Variants in PRR16 observed in about 807,000 individuals in gnomAD.
PRR16 encodes the protein proline rich 16.
A neutral mutation model predicts 18.2 loss-of-function variants in PRR16; 6 were observed. The ratio of observed to expected loss-of-function variants is 0.33; its 90% confidence interval spans 0.18 to 0.65. PRR16 has a LOEUF of 0.65. Among genes scored for constraint, PRR16 ranks in the 30% least tolerant of loss-of-function variants. The pLI is 0.74. For missense variants in PRR16, 412 were observed against 376.6 expected, an observed-to-expected ratio of 1.09 and a Z score of -0.78; for synonymous variants, 151 against 147.8, an observed-to-expected ratio of 1.02 and a Z score of -0.16.
chr5:120,536,862 A>C (rs1214928420), intron 1 of PRR16, among the ~76,000 whole-genome samples: 1 of 152,270 alleles, frequency 6.6e-6, no homozygotes, highest in Non-Finnish European at 1.5e-5. Flanking sequence ...CTATGCAACC[A>C]TAAAAAAGAA....
At chr5:120,558,975 AT>A (rs1752496640) in intron 1 of PRR16, among the ~76,000 whole-genome samples, 1 of 151,838 alleles carries the variant, frequency 6.6e-6, no homozygotes, top group Admixed American at 6.6e-5. Flanking sequence ...TATTTTGCCC[AT>A]TTTAATTGGA....
At chr5:120,473,406 G>T (rs1027859071) in intron 1 of PRR16, among the ~76,000 whole-genome samples, 1 of 152,106 alleles carries the variant, frequency 6.6e-6, no homozygotes, top group African/African-American at 2.4e-5. Flanking sequence ...AAGCCAGTCT[G>T]CTTTTTTTCA....
the PRR16 span, among the ~76,000 whole-genome samples, chr5:120,723,283 G>A: frequency 6.6e-6 from 1 of 151,722 alleles, no homozygotes; most frequent in Admixed American, 6.6e-5. Context: ...GTATGTATTT[G>A]GTACTCAATT....
chr5:120,760,770 T>A, the PRR16 span, among the ~76,000 whole-genome samples: 18 of 152,216 alleles, frequency 1.2e-4, no homozygotes, highest in South Asian at 3.7e-3. Flanking sequence ...GTGGATAAAT[T>A]CCCCAGCTTG....
intron 1 of PRR16, among the ~76,000 whole-genome samples, chr5:120,552,003 C>G (rs1752269073): frequency 6.6e-6 from 1 of 151,856 alleles, no homozygotes. Context: ...GCTGAAGGAG[C>G]CATAAATAGA....
chr5:120,567,345 G>A (rs574697774), intron 1 of PRR16, among the ~76,000 whole-genome samples: 2 of 152,226 alleles, frequency 1.3e-5, no homozygotes, highest in Admixed American at 6.5e-5. Context: ...GAGACTGGAC[G>A]TTGGCTTGGC....
chr5:120,538,479 T>G (rs2112678486), intron 1 of PRR16, among the ~76,000 whole-genome samples: 1 of 152,280 alleles, frequency 6.6e-6, no homozygotes, highest in African/African-American at 2.4e-5. Flanking sequence ...GTAATTCAAT[T>G]TATTGGATAC....
chr5:120,728,127 T>C, the PRR16 span, among the ~76,000 whole-genome samples: 8 of 151,954 alleles, frequency 5.3e-5, no homozygotes, highest in Non-Finnish European at 8.8e-5. Context: ...AAATACAGCT[T>C]GTAAGTATCT....
At chr5:120,786,534 T>A in the PRR16 span, among the ~76,000 whole-genome samples, 2 of 78,104 alleles carry the variant, frequency 2.6e-5, no homozygotes, top group Admixed American at 2.6e-4. Flanking sequence ...ATATTATATA[T>A]ATTATTTTAA....
At chr5:120,778,994 G>A in the PRR16 span, among the ~76,000 whole-genome samples, 1 of 152,102 alleles carries the variant, frequency 6.6e-6, no homozygotes, top group Non-Finnish European at 1.5e-5. Flanking sequence ...AGAAATGTTA[G>A]CATTTTGATT....
the PRR16 span, among the ~76,000 whole-genome samples, chr5:120,776,739 T>A: frequency 2.6e-5 from 4 of 152,140 alleles, no homozygotes; most frequent in Admixed American, 2.6e-4. Flanking sequence ...TTCATTGCAA[T>A]CTTTGTTAAA....
chr5:120,591,481 A>T (rs2112774917), intron 1 of PRR16, among the ~76,000 whole-genome samples: 1 of 152,036 alleles, frequency 6.6e-6, no homozygotes, highest in South Asian at 2.1e-4. Context: ...TTTATGAAAG[A>T]TGTACAGTGT....
intron 1 of PRR16, among the ~76,000 whole-genome samples, chr5:120,509,148 A>G (rs1172091391): frequency 6.6e-6 from 1 of 152,070 alleles, no homozygotes; most frequent in Non-Finnish European, 1.5e-5. Flanking sequence ...TAGCACAGTA[A>G]ATCTTTGTCT....
chr5:120,681,766 T>C (rs1011223742), intron 1 of PRR16, among the ~76,000 whole-genome samples: 1 of 152,224 alleles, frequency 6.6e-6, no homozygotes, highest in African/African-American at 2.4e-5. Context: ...TATGAACCTA[T>C]TCCTAAATTT....
intron 1 of PRR16, among the ~76,000 whole-genome samples, chr5:120,676,526 G>A (rs1461687419): frequency 0.03 from 1,754 of 57,630 alleles, 13 homozygotes; most frequent in Middle Eastern, 0.058. Flanking sequence ...ATATATATGT[G>A]TGTGTGTGTG....
chr5:120,464,983 C>T (rs1467255973), intron 1 of PRR16, among the ~76,000 whole-genome samples: 8 of 152,052 alleles, frequency 5.3e-5, no homozygotes, highest in East Asian at 1.9e-4. Context: ...GTGAGCAGCC[C>T]GGCTGGAGCG....
chr5:120,645,728 A>G (rs1314157073), intron 1 of PRR16, among the ~76,000 whole-genome samples: 1 of 151,942 alleles, frequency 6.6e-6, no homozygotes, highest in African/African-American at 2.4e-5. Flanking sequence ...TCAAGAGCCA[A>G]GTTTCTTTTG....
intron 1 of PRR16, among the ~76,000 whole-genome samples, chr5:120,666,796 C>T (rs1052681877): frequency 1.4e-5 from 2 of 146,372 alleles, no homozygotes; most frequent in African/African-American, 5.1e-5. Context: ...GCCTTGCATC[C>T]CAGGGATGAA....
At chr5:120,738,661 C>A in the PRR16 span, among the ~76,000 whole-genome samples, 1 of 152,140 alleles carries the variant, frequency 6.6e-6, no homozygotes, top group Admixed American at 6.5e-5. Flanking sequence ...TCTTAGATTT[C>A]TCTTCTTAAG....
Sources: allele counts gnomAD v4.1 joint callset (sites outside exome capture counted in the v4.1 genomes callset), GRCh38; gene constraint gnomAD v4.1.1; transcripts MANE v1.5; gene names NCBI Gene and HGNC (gene_info 2026-07-23, HGNC 2026-07-21).